The following MGAT4C variants were observed in gnomAD, a reference collection of about 807,000 sequenced individuals.
MGAT4C encodes alpha-1,3-mannosyl-glycoprotein 4-beta-N-acetylglucosaminyltransferase C.
In MGAT4C, 19 loss-of-function variants were observed where a neutral mutation model predicts 40.1. The observed-to-expected ratio is 0.47, with a 90% CI of 0.33 to 0.70. The LOEUF is 0.70. Ranked by LOEUF, MGAT4C falls within the 30% of genes least tolerant of loss-of-function variation. The pLI, the probability that MGAT4C is intolerant of heterozygous loss-of-function variation, is 0.02. For synonymous variants in MGAT4C, 181 were observed against 187.1 expected, an observed-to-expected ratio of 0.97 and a Z score of 0.27; for missense variants, 491 against 563.2, an observed-to-expected ratio of 0.87 and a Z score of 1.30.
chr12:86,710,307 T>A (rs1950533982), intron 2 of MGAT4C, among the ~76,000 whole-genome samples: 1 of 152,156 alleles, frequency 6.6e-6, no homozygotes, highest in Non-Finnish European at 1.5e-5. Flanking sequence ...TGTGCAACCT[T>A]TCTAGTAAGC....
intron 3 of MGAT4C, among the ~76,000 whole-genome samples, chr12:86,398,713 G>A (rs546091796): frequency 6.6e-6 from 1 of 151,648 alleles, no homozygotes; most frequent in African/African-American, 2.4e-5. Flanking sequence ...TTTTCTTCCT[G>A]AGGCAGGCCT....
intron 2 of MGAT4C, among the ~76,000 whole-genome samples, chr12:86,723,797 T>A (rs563477794): frequency 6.6e-6 from 1 of 152,324 alleles, no homozygotes; most frequent in African/African-American, 2.4e-5. Context: ...AATTAAAATG[T>A]TAAAGTGCTA....
chr12:86,701,507 T>C (rs1485866910), intron 2 of MGAT4C, among the ~76,000 whole-genome samples: 1 of 152,148 alleles, frequency 6.6e-6, no homozygotes, highest in Non-Finnish European at 1.5e-5. Context: ...ACTTTATTAA[T>C]ATTTGTTCTC....
intron 1 of MGAT4C, among the ~76,000 whole-genome samples, chr12:86,769,870 T>C (rs1281283275): frequency 6.6e-6 from 1 of 151,620 alleles, no homozygotes; most frequent in Non-Finnish European, 1.5e-5. Flanking sequence ...TGTTGTGGTG[T>C]GGAGTGGGGG....
At chr12:86,008,045 TATC>T (rs1306924644) in intron 2 of MGAT4C, among the ~76,000 whole-genome samples, 1 of 152,050 alleles carries the variant, frequency 6.6e-6, no homozygotes, top group African/African-American at 2.4e-5. Context: ...TTTATGTCAA[TATC>T]ATACTATCTG....
At chr12:86,283,655 T>A (rs530254381) in intron 4 of MGAT4C, among the ~76,000 whole-genome samples, 7 of 152,254 alleles carry the variant, frequency 4.6e-5, no homozygotes, top group African/African-American at 1.4e-4. Flanking sequence ...GGTGATATAC[T>A]GTTTGTTGAT....
intron 2 of MGAT4C, among the ~76,000 whole-genome samples, chr12:86,684,579 T>C (rs1214911704): frequency 6.6e-6 from 1 of 152,212 alleles, no homozygotes; most frequent in Non-Finnish European, 1.5e-5. Context: ...ATGGTATTTC[T>C]GGTTGTAGAT....
intron 2 of MGAT4C, among the ~76,000 whole-genome samples, chr12:86,616,858 G>C (rs1274937495): frequency 6.6e-6 from 1 of 151,676 alleles, no homozygotes; most frequent in Non-Finnish European, 1.5e-5. Flanking sequence ...TTTAGACAGG[G>C]GAATAAATGT....
At chr12:86,146,098 CA>C (rs1490285715) in intron 1 of MGAT4C, among the ~76,000 whole-genome samples, 2 of 152,108 alleles carry the variant, frequency 1.3e-5, no homozygotes, top group African/African-American at 4.8e-5. Context: ...GCAACATTTA[CA>C]ACAGCATAGC....
intron 1 of MGAT4C, among the ~76,000 whole-genome samples, chr12:86,746,567 G>C (rs570627584): frequency 7.2e-5 from 11 of 151,822 alleles, no homozygotes; most frequent in African/African-American, 2.7e-4. Flanking sequence ...AACCTGTTCA[G>C]TTAGGACTAT....
chr12:86,718,710 G>T (rs1156601560), intron 2 of MGAT4C, among the ~76,000 whole-genome samples: 1 of 152,044 alleles, frequency 6.6e-6, no homozygotes, highest in African/African-American at 2.4e-5. Context: ...CAGATCAGCG[G>T]GGTCATTAGA....
intron 2 of MGAT4C, among the ~76,000 whole-genome samples, chr12:86,586,959 A>G (rs1007137229): frequency 6.6e-6 from 1 of 152,084 alleles, no homozygotes; most frequent in Non-Finnish European, 1.5e-5. Context: ...TAGTTTAATT[A>G]GATCTCATTT....
At chr12:86,032,960 T>C (rs1890896285) in intron 2 of MGAT4C, among the ~76,000 whole-genome samples, 1 of 149,884 alleles carries the variant, frequency 6.7e-6, no homozygotes, top group South Asian at 2.1e-4. Context: ...AAGGAAAGTG[T>C]CTATATTTAG....
rs1156646961 is a variant in MGAT4C at position 85,987,229 on chromosome 12, C to T, written c.147+2171G>A. On this transcript the variant is annotated intron_variant, in intron 3 of 4. Transcript: ENST00000611864. ...TCGGCTCACTGCAAGCTCCGCCTCC[C>T]GGGTTCACGCCATTCTCCTGCCTCA... is the stretch of plus-strand genomic sequence containing the variant. Among the ~76,000 whole-genome samples the T allele has an allele frequency of 2.8e-4, 38 of 134,602 alleles. No homozygotes were observed. In the East Asian group the frequency reaches 9.0e-3, roughly 32 times the overall value. The allele number at this position is 134,602 out of a possible 152,430, so 88.3% of individuals were successfully genotyped here.
chr12:86,011,896 CTACTGCCTGA>C, intron 2 of MGAT4C: 1 of 982,014 alleles, frequency 1.0e-6, no homozygotes, highest in South Asian at 4.7e-5. Flanking sequence ...ATGTCACATG[CTACTGCCTGA>C]AAATAGCAAT....
At chr12:86,412,175 C>A (rs868142584) in intron 3 of MGAT4C, among the ~76,000 whole-genome samples, 1 of 152,332 alleles carries the variant, frequency 6.6e-6, no homozygotes, top group South Asian at 2.1e-4. Flanking sequence ...AGAGGGAAAA[C>A]GTGGGGTTGG....
intron 1 of MGAT4C, among the ~76,000 whole-genome samples, chr12:86,204,294 G>A (rs1020180292): frequency 1.3e-5 from 2 of 152,020 alleles, no homozygotes; most frequent in African/African-American, 4.8e-5. Flanking sequence ...TATAGTATGT[G>A]AGTGAATTTA....
chr12:86,437,295 C>A (rs970437439), intron 2 of MGAT4C, among the ~76,000 whole-genome samples: 2 of 151,572 alleles, frequency 1.3e-5, no homozygotes, highest in Non-Finnish European at 1.5e-5. Flanking sequence ...TTTATATATA[C>A]CTATGTATAT....
chr12:86,362,671 C>T (rs1390204841), intron 3 of MGAT4C, among the ~76,000 whole-genome samples: 10 of 151,624 alleles, frequency 6.6e-5, no homozygotes, highest in Admixed American at 4.0e-4. Context: ...AGACCATCCT[C>T]GCTAACACAG....
Sources: allele counts gnomAD v4.1 joint callset (sites outside exome capture counted in the v4.1 genomes callset), GRCh38; gene constraint gnomAD v4.1.1; transcripts MANE v1.5; gene names NCBI Gene and HGNC (gene_info 2026-07-23, HGNC 2026-07-21).